FSTL5: variants seen among roughly 807,000 people sequenced by gnomAD.
FSTL5 encodes follistatin like 5, also known as follistatin-related protein 5.
A neutral mutation model predicts 89.1 loss-of-function variants in FSTL5; 62 were observed. The observed-to-expected ratio is 0.70, with a 90% CI of 0.57 to 0.86. The LOEUF (loss-of-function observed/expected upper bound fraction) is 0.86. Among genes scored for constraint, FSTL5 ranks in the 40% least tolerant of loss-of-function variants. The pLI, the probability that FSTL5 is intolerant of heterozygous loss-of-function variation, is 0.00. For missense variants in FSTL5, 1,057 were observed against 1,001.6 expected, an observed-to-expected ratio of 1.06 and a Z score of -0.75; for synonymous variants, 383 against 346.2, an observed-to-expected ratio of 1.11 and a Z score of -1.18.
chr4:161,890,836 A>G (rs1732965130), intron 4 of FSTL5, among the ~76,000 whole-genome samples: 1 of 152,162 alleles, frequency 6.6e-6, no homozygotes, highest in South Asian at 2.1e-4. Flanking sequence ...CAGTTATAAA[A>G]AAGTGTTACT....
chr4:161,603,674 T>C (rs1560974741), intron 7 of FSTL5, among the ~76,000 whole-genome samples: 1 of 151,540 alleles, frequency 6.6e-6, no homozygotes, highest in Non-Finnish European at 1.5e-5. Context: ...TAGGGAAGAA[T>C]GAGAGAATTG....
chr4:161,506,230 G>A (rs1223772108), intron 11 of FSTL5, among the ~76,000 whole-genome samples: 1 of 111,886 alleles, frequency 8.9e-6, no homozygotes, highest in Non-Finnish European at 2.0e-5. Context: ...CATCACGCCC[G>A]GCATTTTTTT....
At chr4:161,857,011 T>C (rs925677089) in intron 4 of FSTL5, among the ~76,000 whole-genome samples, 1 of 152,136 alleles carries the variant, frequency 6.6e-6, no homozygotes, top group African/African-American at 2.4e-5. Context: ...AGAAGCCAGA[T>C]GTATAGTCTT....
chr4:161,746,868 C>T (rs1740219485), intron 6 of FSTL5, among the ~76,000 whole-genome samples: 1 of 152,042 alleles, frequency 6.6e-6, no homozygotes, highest in Admixed American at 6.6e-5. Context: ...TCCCCCAGTC[C>T]CCCAAATGCT....
intron 3 of FSTL5, among the ~76,000 whole-genome samples, chr4:161,985,502 T>C (rs999002563): frequency 1.3e-5 from 2 of 152,004 alleles, no homozygotes; most frequent in African/African-American, 4.8e-5. Flanking sequence ...AAATCTGTTT[T>C]TGAACAAGAT....
chr4:161,413,282 A>C (rs1237271841), intron 15 of FSTL5, among the ~76,000 whole-genome samples: 1 of 9,188 alleles, frequency 1.1e-4, no homozygotes, highest in Non-Finnish European at 3.3e-4. Flanking sequence ...AAAAAAAAAA[A>C]ATAAAGACAC....
chr4:161,732,032 C>T (rs1739628166), intron 6 of FSTL5, among the ~76,000 whole-genome samples: 1 of 151,922 alleles, frequency 6.6e-6, no homozygotes, highest in South Asian at 2.1e-4. Flanking sequence ...ATTCTTCTTT[C>T]ATTATCCCAG....
intron 2 of FSTL5, among the ~76,000 whole-genome samples, chr4:162,042,379 T>C (rs1479545633): frequency 6.6e-5 from 10 of 152,126 alleles, no homozygotes; most frequent in African/African-American, 9.7e-5. Flanking sequence ...CAGTGTCAAA[T>C]AGAGTCTTTA....
chr4:161,981,015 C>T (rs752023064), intron 3 of FSTL5, among the ~76,000 whole-genome samples: 1 of 152,034 alleles, frequency 6.6e-6, no homozygotes, highest in Non-Finnish European at 1.5e-5. Context: ...CTGCCTTGGC[C>T]TCCTAAAGTG....
chr4:161,736,934 G>C (rs1739840491), intron 6 of FSTL5, among the ~76,000 whole-genome samples: 2 of 151,984 alleles, frequency 1.3e-5, no homozygotes, highest in Non-Finnish European at 2.9e-5. Context: ...AAGTAACTTG[G>C]ATTTGCAATG....
At chr4:161,827,466 A>G (rs9991178) in intron 4 of FSTL5, among the ~76,000 whole-genome samples, 106,925 of 152,090 alleles carry the variant, frequency 0.7, 37,873 homozygotes, top group Non-Finnish European at 0.75. Context: ...AGTGCATCAG[A>G]TGTGGTAGCA....
intron 4 of FSTL5, among the ~76,000 whole-genome samples, chr4:161,802,645 G>A (rs919161801): frequency 6.6e-6 from 1 of 151,626 alleles, no homozygotes; most frequent in African/African-American, 2.4e-5. Context: ...TGGTTGGCAG[G>A]TGTTATGTCT....
chr4:161,682,298 C>T (rs1310315595), intron 6 of FSTL5, among the ~76,000 whole-genome samples: 1 of 152,230 alleles, frequency 6.6e-6, no homozygotes, highest in Non-Finnish European at 1.5e-5. Flanking sequence ...TTAGGTTACA[C>T]AAAGTTAATT....
intron 8 of FSTL5, among the ~76,000 whole-genome samples, chr4:161,573,138 G>T (rs900166039): frequency 1.1e-4 from 17 of 152,130 alleles, no homozygotes; most frequent in Non-Finnish European, 1.2e-4. Flanking sequence ...GGTCAGGCGT[G>T]GTGGCCCACG....
chr4:161,802,027 T>G (rs1482135168), intron 4 of FSTL5, among the ~76,000 whole-genome samples: 1 of 151,710 alleles, frequency 6.6e-6, no homozygotes, highest in Admixed American at 6.6e-5. Context: ...AAAAGTCTCA[T>G]GCCTTTGTAA....
At chr4:161,529,927 T>A (rs1488451542) in intron 10 of FSTL5, among the ~76,000 whole-genome samples, 2 of 143,098 alleles carry the variant, frequency 1.4e-5, no homozygotes, top group Non-Finnish European at 3.1e-5. Flanking sequence ...AATCGATGAC[T>A]TTTGCATTTG....
At chr4:161,571,841 A>G (rs971954419) in intron 8 of FSTL5, among the ~76,000 whole-genome samples, 1 of 152,170 alleles carries the variant, frequency 6.6e-6, no homozygotes, top group Admixed American at 6.5e-5. Flanking sequence ...CCTGTTCCCA[A>G]GAGGCATCGT....
intron 3 of FSTL5, among the ~76,000 whole-genome samples, chr4:162,016,302 C>G (rs1220571520): frequency 6.6e-6 from 1 of 152,098 alleles, no homozygotes; most frequent in Non-Finnish European, 1.5e-5. Flanking sequence ...CTTTTCAGAA[C>G]TTGCTTGATA....
intron 6 of FSTL5, among the ~76,000 whole-genome samples, chr4:161,743,366 T>A (rs907502219): frequency 2.0e-5 from 3 of 152,196 alleles, no homozygotes; most frequent in Non-Finnish European, 4.4e-5. Context: ...GGTTTAGTTC[T>A]AGAATCTCTT....
Sources: allele counts gnomAD v4.1 joint callset (sites outside exome capture counted in the v4.1 genomes callset), GRCh38; gene constraint gnomAD v4.1.1; transcripts MANE v1.5; gene names NCBI Gene and HGNC (gene_info 2026-07-23, HGNC 2026-07-21).